ANO4: variants seen among roughly 807,000 people sequenced by gnomAD.
ANO4 encodes anoctamin 4, also known as anoctamin-4.
Under a neutral mutation model 141.9 loss-of-function variants are expected in ANO4, and 69 were observed. The observed-to-expected ratio is 0.49, with a 90% CI of 0.40 to 0.59. ANO4 has a LOEUF of 0.59. Among genes scored for constraint, ANO4 ranks in the 20% least tolerant of loss-of-function variants. The probability of loss-of-function intolerance (pLI) is 0.00; values close to 1 mark genes in which losing one functional copy is unlikely to be tolerated. For missense variants in ANO4, 894 were observed against 1,162.2 expected, an observed-to-expected ratio of 0.77 and a Z score of 3.36; for synonymous variants, 350 against 394.3, an observed-to-expected ratio of 0.89 and a Z score of 1.33.
intron 1 of ANO4, among the ~76,000 whole-genome samples, chr12:100,822,394 G>A (rs1354248208): frequency 6.6e-6 from 1 of 152,026 alleles, no homozygotes; most frequent in African/African-American, 2.4e-5. Flanking sequence ...GAGCTCCAGT[G>A]TACAAGTGAC....
intron 1 of ANO4, among the ~76,000 whole-genome samples, chr12:100,804,100 T>A (rs547258538): frequency 6.6e-6 from 1 of 152,156 alleles, no homozygotes; most frequent in Admixed American, 6.5e-5. Context: ...TTCCTGATAC[T>A]TTCCCTGCCC....
intron 1 of ANO4, among the ~76,000 whole-genome samples, chr12:100,810,695 C>A (rs992638637): frequency 7.9e-5 from 12 of 151,978 alleles, no homozygotes; most frequent in African/African-American, 2.7e-4. Context: ...GTAAAATGGG[C>A]AAGTGTAGAT....
chr12:100,738,431 A>G (rs1455540518), intron 2 of ANO4, among the ~76,000 whole-genome samples: 1 of 152,156 alleles, frequency 6.6e-6, no homozygotes, highest in African/African-American at 2.4e-5. Flanking sequence ...AGATTAAAAT[A>G]TTTGCTAATG....
intron 8 of ANO4, among the ~76,000 whole-genome samples, chr12:101,009,337 A>G (rs1337414107): frequency 6.6e-6 from 1 of 152,138 alleles, no homozygotes. Flanking sequence ...TGACAGCTTG[A>G]TCTTGGACTT....
At chr12:101,073,134 CAT>C (rs1037894363) in intron 14 of ANO4, among the ~76,000 whole-genome samples, 3 of 152,174 alleles carry the variant, frequency 2.0e-5, no homozygotes, top group African/African-American at 4.8e-5. Context: ...CACATGCACA[CAT>C]GTTTATTGCG....
At chr12:100,728,285 G>T (rs774474993) in intron 1 of ANO4, among the ~76,000 whole-genome samples, 1 of 152,166 alleles carries the variant, frequency 6.6e-6, no homozygotes, top group Non-Finnish European at 1.5e-5. Flanking sequence ...CAAATAATTT[G>T]AGATAAATAA....
chr12:100,896,365 T>A (rs2040353806), intron 1 of ANO4, among the ~76,000 whole-genome samples: 4 of 151,606 alleles, frequency 2.6e-5, no homozygotes, highest in Admixed American at 2.6e-4. Flanking sequence ...ATTGGAGTGA[T>A]GTTGTCACAA....
intron 1 of ANO4, among the ~76,000 whole-genome samples, chr12:100,820,576 G>C (rs1301103033): frequency 3.3e-5 from 5 of 151,974 alleles, no homozygotes; most frequent in African/African-American, 1.2e-4. Flanking sequence ...AAAATAAATT[G>C]AGTGTTTTAG....
chr12:100,753,383 T>C (rs564699980), intron 3 of ANO4, among the ~76,000 whole-genome samples: 11 of 152,276 alleles, frequency 7.2e-5, no homozygotes, highest in African/African-American at 2.6e-4. Context: ...ATTTTATTTT[T>C]CAAGTGGGCT....
intron 3 of ANO4, among the ~76,000 whole-genome samples, chr12:100,778,176 C>T (rs2033594981): frequency 6.6e-6 from 1 of 152,156 alleles, no homozygotes; most frequent in Non-Finnish European, 1.5e-5. Context: ...GCCTCGGCCT[C>T]CCAAAGTGCT....
chr12:101,086,905 T>A, intron 17 of ANO4, 81 bp downstream of exon 17: 1 of 1,513,132 alleles, frequency 6.6e-7, no homozygotes, highest in Non-Finnish European at 9.0e-7. Context: ...GCTAAGGGGA[T>A]CTGGCCTCAG....
chr12:100,976,948 G>A (rs924053115), intron 7 of ANO4, among the ~76,000 whole-genome samples: 2 of 152,202 alleles, frequency 1.3e-5, no homozygotes, highest in African/African-American at 4.8e-5. Context: ...AGCAAAGTCA[G>A]TATGTGTGGA....
intron 1 of ANO4, among the ~76,000 whole-genome samples, chr12:100,846,895 C>A (rs2037592454): frequency 6.6e-6 from 1 of 152,228 alleles, no homozygotes; most frequent in Non-Finnish European, 1.5e-5. Context: ...TCCTACCCTG[C>A]CTCCCAATCT....
Position 101,099,698 on chromosome 12 carries a change from C to T in ANO4, c.2127C>T (p.Leu709=), listed in dbSNP as rs1490512565. Residue 709 remains leucine (L), a synonymous_variant, in exon 22 of 28, where the codon CTC becomes CTT. Transcript: ENST00000392977. ...YNLQPMNAYG[L]FDEYLEMILQ... ...TTCAGCCGATGAATGCCTATGGACT[C>T]TTCGATGAATACTTAGAAATGAGTA... The T allele has an allele frequency of 2.5e-6, 4 of 1,573,038 alleles. No homozygotes were observed. In the East Asian group the frequency reaches 9.1e-5, roughly 36 times the overall value.
At chr12:100,797,761 C>G (rs1514787) in intron 1 of ANO4, among the ~76,000 whole-genome samples, 1 of 151,948 alleles carries the variant, frequency 6.6e-6, no homozygotes, top group Non-Finnish European at 1.5e-5. Flanking sequence ...CCAAGTCTCC[C>G]TTTTAAAGTC....
At chr12:100,902,018 A>G (rs958053409) in intron 2 of ANO4, among the ~76,000 whole-genome samples, 178 bp downstream of exon 2, 1 of 152,230 alleles carries the variant, frequency 6.6e-6, no homozygotes, top group African/African-American at 2.4e-5. Context: ...CAAGACGAAT[A>G]AGAGGGGAGA....
intron 1 of ANO4, among the ~76,000 whole-genome samples, chr12:100,823,337 A>C (rs2036155752): frequency 6.6e-6 from 1 of 152,068 alleles, no homozygotes; most frequent in African/African-American, 2.4e-5. Context: ...CACAAGAAAT[A>C]ATAAGTGGAT....
chr12:100,970,663 CTCCTTCCTTCCTTCCTTCCTTCCTT>C (rs2043881869), intron 5 of ANO4, among the ~76,000 whole-genome samples: 2 of 91,666 alleles, frequency 2.2e-5, no homozygotes, highest in Non-Finnish European at 4.4e-5. Flanking sequence ...CTCCCTCCCT[CTCCTTCCTTCCTTCCTTCCTTCCTT>C]CCTTCCTTCC....
At chr12:100,868,336 C>A (rs1353119689) in intron 1 of ANO4, among the ~76,000 whole-genome samples, 1 of 152,128 alleles carries the variant, frequency 6.6e-6, no homozygotes, top group Non-Finnish European at 1.5e-5. Context: ...ATGGTGACTG[C>A]ATTAGGTCCC....
Sources: allele counts gnomAD v4.1 joint callset (sites outside exome capture counted in the v4.1 genomes callset), GRCh38; gene constraint gnomAD v4.1.1; transcripts MANE v1.5; gene names NCBI Gene and HGNC (gene_info 2026-07-23, HGNC 2026-07-21).